Variants in CPQ observed in about 807,000 individuals in gnomAD.
The protein encoded by CPQ is carboxypeptidase Q, also known as Ser-Met dipeptidase.
A neutral mutation model predicts 45.7 loss-of-function variants in CPQ; 37 were observed. The ratio of observed to expected loss-of-function variants is 0.81; its 90% CI spans 0.62 to 1.07. The LOEUF (loss-of-function observed/expected upper bound fraction) is 1.07, where lower values mean the gene tolerates loss of function less well. CPQ is among the 50% of genes least tolerant of loss of function. The probability of loss-of-function intolerance (pLI) is 0.00; values close to 1 mark genes in which losing one functional copy is unlikely to be tolerated. For missense variants in CPQ, 537 were observed against 572.9 expected, an observed-to-expected ratio of 0.94 and a Z score of 0.64; for synonymous variants, 186 against 205.8, an observed-to-expected ratio of 0.90 and a Z score of 0.82.
At chr8:96,704,819 T>G (rs1053423606) in intron 1 of CPQ, among the ~76,000 whole-genome samples, 5 of 152,126 alleles carry the variant, frequency 3.3e-5, no homozygotes, top group African/African-American at 1.2e-4. Flanking sequence ...TCTTGAAGAT[T>G]AGGTGTTCAG....
intron 6 of CPQ, among the ~76,000 whole-genome samples, chr8:97,059,148 G>A (rs972448692): frequency 6.6e-5 from 10 of 152,108 alleles, no homozygotes; most frequent in Non-Finnish European, 1.0e-4. Context: ...AAATGACATT[G>A]CAAACATTGG....
chr8:97,017,646 T>C lies in CPQ; in HGVS notation c.962-11757T>C, dbSNP rs536828340. Among the ~76,000 whole-genome samples, 4 of 152,168 alleles carry C rather than the reference T, an allele frequency of 2.6e-5. No homozygotes were observed. The South Asian group carries it at 8.3e-4, about 32-fold the overall frequency. ...CCTGTGACTGCCGGCTTTCCCCTAC[T>C]TCCCTGACAACCTGCATTACACAGC... On this transcript the variant is annotated intron_variant, in intron 5 of 7. Transcript: ENST00000220763.
intron 1 of CPQ, among the ~76,000 whole-genome samples, chr8:96,778,571 A>T (rs1403761076): frequency 2.0e-5 from 3 of 152,198 alleles, no homozygotes; most frequent in African/African-American, 7.2e-5. Flanking sequence ...ATACTCAGGG[A>T]AAACTAACTT....
intron 3 of CPQ, among the ~76,000 whole-genome samples, chr8:96,876,325 A>G (rs1010527639): frequency 1.3e-5 from 2 of 152,072 alleles, no homozygotes; most frequent in Non-Finnish European, 2.9e-5. Flanking sequence ...TTAGAATAAG[A>G]TTTTGTTAAA....
intron 7 of CPQ, among the ~76,000 whole-genome samples, chr8:97,103,876 T>C (rs1401537334): frequency 6.6e-6 from 1 of 152,200 alleles, no homozygotes; most frequent in Non-Finnish European, 1.5e-5. Context: ...GACTGATCCC[T>C]GGCACATTAT....
Position 96,872,191 on chromosome 8 carries a change from C to A in CPQ, c.642-7607C>A, listed in dbSNP as rs987314604. Reference sequence around the variant, plus strand: ...GGATGGGACCCAAGTCTTAAACATACAGTTCACTTGTGTTTGAGATACACC... The same window carrying A: ...GGATGGGACCCAAGTCTTAAACATAAAGTTCACTTGTGTTTGAGATACACC... On this transcript the variant is annotated intron_variant, in intron 3 of 7. Coordinates refer to ENST00000220763, the MANE Select transcript of CPQ (RefSeq NM_016134.4). Among the ~76,000 whole-genome samples the A allele has an allele frequency of 6.6e-5, 10 of 151,850 alleles. 1 individual carries two copies. The highest frequency in any genetic ancestry group is 1.3e-4 in the Admixed American group (2 of 15,192).
chr8:96,936,243 C>T (rs1014627372), intron 4 of CPQ, among the ~76,000 whole-genome samples: 2 of 152,106 alleles, frequency 1.3e-5, no homozygotes, highest in Non-Finnish European at 2.9e-5. Flanking sequence ...GCATTGTTTA[C>T]TGTGGGTCTA....
chr8:97,035,169 G>T (rs1809976864), intron 6 of CPQ, among the ~76,000 whole-genome samples: 1 of 152,294 alleles, frequency 6.6e-6, no homozygotes, highest in East Asian at 1.9e-4. Context: ...GGGATTACAG[G>T]TGTGAGCCAC....
intron 3 of CPQ, among the ~76,000 whole-genome samples, chr8:96,841,061 A>G (rs1227489567): frequency 6.6e-6 from 1 of 152,050 alleles, no homozygotes; most frequent in African/African-American, 2.4e-5. Flanking sequence ...TATGTTGCCT[A>G]TTCGAGTCCT....
At chr8:96,923,554 T>C (rs1812836074) in intron 4 of CPQ, among the ~76,000 whole-genome samples, 1 of 152,216 alleles carries the variant, frequency 6.6e-6, no homozygotes, top group Non-Finnish European at 1.5e-5. Flanking sequence ...CACTCTTCTT[T>C]GTCCATCTAG....
At chr8:96,782,286 G>A (rs1357350236) in intron 1 of CPQ, among the ~76,000 whole-genome samples, 1 of 152,150 alleles carries the variant, frequency 6.6e-6, no homozygotes, top group Non-Finnish European at 1.5e-5. Flanking sequence ...TGCAGAATTG[G>A]CACCGTGTGG....
intron 1 of CPQ, among the ~76,000 whole-genome samples, chr8:96,648,197 G>A (rs1473155276): frequency 1.3e-5 from 2 of 152,016 alleles, no homozygotes; most frequent in East Asian, 1.9e-4. Context: ...AGTTGTGGCC[G>A]CCTGAAAAAC....
chr8:97,042,389 A>T (rs1263733605), intron 6 of CPQ, among the ~76,000 whole-genome samples: 1 of 151,988 alleles, frequency 6.6e-6, no homozygotes, highest in Admixed American at 6.5e-5. Flanking sequence ...CTTCTTTATT[A>T]GTCTTGCTAG....
At chr8:97,010,207 A>C (rs1460751644) in intron 5 of CPQ, among the ~76,000 whole-genome samples, 1 of 152,194 alleles carries the variant, frequency 6.6e-6, no homozygotes, top group Non-Finnish European at 1.5e-5. Context: ...TGGTCTACCT[A>C]TGCCATTAGT....
At chr8:96,991,553 CA>C (rs1809092461) in intron 5 of CPQ, among the ~76,000 whole-genome samples, 1 of 139,982 alleles carries the variant, frequency 7.1e-6, no homozygotes, top group Non-Finnish European at 1.5e-5. Context: ...AAGAGTCTGT[CA>C]TAATAATAAT....
chr8:96,820,042 G>A (rs1238299336), intron 2 of CPQ, among the ~76,000 whole-genome samples: 1 of 152,040 alleles, frequency 6.6e-6, no homozygotes, highest in Non-Finnish European at 1.5e-5. Context: ...TATGGTGTTG[G>A]TTATTGTTTC....
chr8:96,904,616 A>G (rs1812552375), intron 4 of CPQ, among the ~76,000 whole-genome samples: 1 of 152,176 alleles, frequency 6.6e-6, no homozygotes, highest in African/African-American at 2.4e-5. Flanking sequence ...CAGAATCACC[A>G]CAGATGCTTT....
chr8:96,988,258 T>C (rs992539208), intron 5 of CPQ, among the ~76,000 whole-genome samples: 1 of 152,212 alleles, frequency 6.6e-6, no homozygotes, highest in African/African-American at 2.4e-5. Flanking sequence ...CTCAGTGATA[T>C]TAACTTCATT....
chr8:96,909,917 C>T (rs114398920), intron 4 of CPQ, among the ~76,000 whole-genome samples: 3,086 of 152,218 alleles, frequency 0.02, 111 homozygotes, highest in African/African-American at 0.07. Flanking sequence ...TATAAATCAC[C>T]TTGATCAAAG....
Sources: gnomAD v4.1 joint callset for allele counts (sites outside exome capture counted in the v4.1 genomes callset) on GRCh38, gnomAD v4.1.1 for gene constraint, MANE v1.5 for transcripts, NCBI Gene and HGNC (gene_info 2026-07-23, HGNC 2026-07-21) for gene names.